Variants in GRIP1 observed in about 807,000 individuals in gnomAD.
GRIP1 encodes glutamate receptor-interacting protein 1.
In GRIP1, 45 loss-of-function variants were observed where a neutral mutation model predicts 129.9. That is an observed-to-expected ratio of 0.35 (90% CI 0.27 to 0.44). The LOEUF (loss-of-function observed/expected upper bound fraction) is 0.44, where lower values mean the gene tolerates loss of function less well. GRIP1 is among the 20% of genes least tolerant of loss of function. GRIP1 has a pLI of 1.00. For synonymous variants in GRIP1, 530 were observed against 520.8 expected (o/e 1.02, Z -0.24); for missense variants, 1,196 against 1,396.8 (o/e 0.86, Z 2.29).
At chr12:66,554,579 G>C (rs564348691) in intron 2 of GRIP1, among the ~76,000 whole-genome samples, 1 of 152,070 alleles carries the variant, frequency 6.6e-6, no homozygotes. Flanking sequence ...AGTAGAGCAC[G>C]AAGTGGGCCA....
chr12:66,494,363 TAA>T (rs1435566759), intron 7 of GRIP1, among the ~76,000 whole-genome samples: 8 of 152,226 alleles, frequency 5.3e-5, no homozygotes, highest in Admixed American at 2.6e-4. Context: ...TTAGAATATA[TAA>T]AGTCACATTC....
At chr12:66,372,604 T>C (rs2055571993) in intron 22 of GRIP1, among the ~76,000 whole-genome samples, 1 of 152,206 alleles carries the variant, frequency 6.6e-6, no homozygotes, top group South Asian at 2.1e-4. Context: ...TATTATGTTA[T>C]TATATTCAAC....
intron 1 of GRIP1, among the ~76,000 whole-genome samples, chr12:67,038,165 G>T (rs2043126259): frequency 1.3e-5 from 2 of 152,112 alleles, no homozygotes; most frequent in South Asian, 4.1e-4. Flanking sequence ...TAAAAGCGGG[G>T]GACTTCCAAG....
chr12:66,854,019 A>T (rs1430597604), intron 1 of GRIP1, among the ~76,000 whole-genome samples: 1 of 152,090 alleles, frequency 6.6e-6, no homozygotes, highest in African/African-American at 2.4e-5. Flanking sequence ...GTTGATGGGC[A>T]TAAGAAAAAA....
At chr12:66,411,131 T>C (rs2057385946) in intron 15 of GRIP1, among the ~76,000 whole-genome samples, 1 of 152,160 alleles carries the variant, frequency 6.6e-6, no homozygotes, top group Non-Finnish European at 1.5e-5. Flanking sequence ...ACAGTGCACC[T>C]GCTCTGTCAA....
intron 1 of GRIP1, among the ~76,000 whole-genome samples, chr12:66,841,181 C>T (rs527971911): frequency 1.1e-4 from 16 of 152,148 alleles, no homozygotes; most frequent in East Asian, 7.7e-4. Flanking sequence ...CAAAAATGAA[C>T]GAAAATCTGA....
intron 1 of GRIP1, among the ~76,000 whole-genome samples, chr12:66,726,104 G>A (rs191778177): frequency 2.0e-5 from 3 of 152,076 alleles, no homozygotes; most frequent in Non-Finnish European, 4.4e-5. Flanking sequence ...GTTTGTGGTG[G>A]TAATGGCACC....
intron 5 of GRIP1, among the ~76,000 whole-genome samples, chr12:66,520,338 C>G (rs994418183): frequency 5.9e-5 from 9 of 152,166 alleles, no homozygotes; most frequent in Non-Finnish European, 8.8e-5. Flanking sequence ...AGATGGACCT[C>G]TAACTAATCT....
chr12:66,821,190 G>GA (rs559240611), intron 1 of GRIP1, among the ~76,000 whole-genome samples: 2 of 151,682 alleles, frequency 1.3e-5, no homozygotes, highest in African/African-American at 2.4e-5. Context: ...TCTATTTAAA[G>GA]AAAAAAAATC....
chr12:66,618,529 A>G (rs920406622), intron 1 of GRIP1, among the ~76,000 whole-genome samples: 1 of 152,070 alleles, frequency 6.6e-6, no homozygotes, highest in Non-Finnish European at 1.5e-5. Context: ...CTATCTATTA[A>G]AAAAAAGTAA....
chr12:66,598,526 AATACAAAATG>A (rs1403370503), intron 1 of GRIP1, among the ~76,000 whole-genome samples: 3 of 152,302 alleles, frequency 2.0e-5, no homozygotes, highest in African/African-American at 7.2e-5. Context: ...CACAAAACAA[AATACAAAATG>A]TAAACATTAC....
chr12:66,887,216 T>C, intron 1 of GRIP1, among the ~76,000 whole-genome samples: 1 of 152,240 alleles, frequency 6.6e-6, no homozygotes, highest in South Asian at 2.1e-4. Flanking sequence ...TAATGAAAGT[T>C]AGCTTTTCAA....
At chr12:66,991,851 G>T (rs2042399284) in intron 1 of GRIP1, among the ~76,000 whole-genome samples, 1 of 152,180 alleles carries the variant, frequency 6.6e-6, no homozygotes, top group Non-Finnish European at 1.5e-5. Flanking sequence ...CCTCTAGAGT[G>T]TATTCAGCCA....
rs200343846 is a variant in GRIP1, at chr12:66,698,127, TG to T, written c.-419-67792del. On this transcript the variant is annotated intron_variant, in intron 1 of 4. Transcript: ENST00000538373. Reference sequence around the variant, plus strand: ...GAGCTTGAAAAAGAATGGAGCACATTGCTAAATGAGACTTGTGCCACCAGAT... The same window carrying T: ...GAGCTTGAAAAAGAATGGAGCACATTCTAAATGAGACTTGTGCCACCAGAT... Among the ~76,000 whole-genome samples the T allele has an allele frequency of 4.9e-3, 748 of 152,286 alleles. 21 individuals carry two copies. The highest frequency in any genetic ancestry group is 0.046 in the Admixed American group (700 of 15,286).
intron 1 of GRIP1, among the ~76,000 whole-genome samples, chr12:66,932,771 C>A (rs375741042): frequency 6.6e-6 from 1 of 152,036 alleles, no homozygotes; most frequent in Non-Finnish European, 1.5e-5. Flanking sequence ...TGGGTTCAAG[C>A]GATTCTCCTG....
chr12:66,460,186 C>G lies in GRIP1; in HGVS notation c.1042+2738G>C, dbSNP rs1017622714. On this transcript the variant is annotated intron_variant, in intron 9 of 24. Transcript: ENST00000359742. The stretch of plus-strand genomic sequence containing the variant: ...GATCCTAAAGTCCCCGCTTCAACCA[C>G]CAGACATACCGCCTCTTCCTATGGG... Among the ~76,000 whole-genome samples the G allele has an allele frequency of 2.0e-5, 3 of 152,176 alleles. No homozygotes were observed. The East Asian group carries it at 5.8e-4, about 29-fold the overall frequency.
intron 1 of GRIP1, among the ~76,000 whole-genome samples, chr12:66,758,670 A>T (rs1392406181): frequency 6.6e-6 from 1 of 152,202 alleles, no homozygotes; most frequent in African/African-American, 2.4e-5. Context: ...CCAAGATACA[A>T]TGGAGGTACA....
intron 1 of GRIP1, among the ~76,000 whole-genome samples, chr12:66,944,804 G>A (rs2041640651): frequency 6.6e-6 from 1 of 152,008 alleles, no homozygotes; most frequent in African/African-American, 2.4e-5. Flanking sequence ...GTTTTGTTTT[G>A]TTTTTTGAGA....
intron 2 of GRIP1, among the ~76,000 whole-genome samples, chr12:66,556,500 TG>T (rs2062337591): frequency 1.3e-5 from 2 of 152,036 alleles, no homozygotes; most frequent in South Asian, 4.1e-4. Flanking sequence ...CAAAATTCAC[TG>T]GTAATAGGAA....
Sources: gnomAD v4.1 joint callset for allele counts (sites outside exome capture counted in the v4.1 genomes callset) on GRCh38, gnomAD v4.1.1 for gene constraint, MANE v1.5 for transcripts, NCBI Gene and HGNC (gene_info 2026-07-23, HGNC 2026-07-21) for gene names.